The following SLIT3 variants were observed in gnomAD, a reference collection of about 807,000 sequenced individuals.
The protein encoded by SLIT3 is slit guidance ligand 3, also known as slit homolog 3 protein.
In SLIT3, 68 loss-of-function variants were observed where a neutral mutation model predicts 184.0. The ratio of observed to expected loss-of-function variants is 0.37; its 90% CI spans 0.30 to 0.45. The LOEUF is 0.45. Among genes scored for constraint, SLIT3 ranks in the 20% least tolerant of loss-of-function variants. The pLI, the probability that SLIT3 is intolerant of heterozygous loss-of-function variation, is 1.00. For synonymous variants in SLIT3, 831 were observed against 828.6 expected, an observed-to-expected ratio of 1.00 and a Z score of -0.05; for missense variants, 1,707 against 2,026.0, an observed-to-expected ratio of 0.84 and a Z score of 3.02.
intron 4 of SLIT3, among the ~76,000 whole-genome samples, chr5:169,042,818 A>G (rs1328340137): frequency 6.6e-6 from 1 of 152,198 alleles, no homozygotes; most frequent in Non-Finnish European, 1.5e-5. Flanking sequence ...GTTCCATTTT[A>G]AGAAATCCTG....
chr5:168,970,763 G>T (rs550542501), intron 4 of SLIT3, among the ~76,000 whole-genome samples: 1 of 152,068 alleles, frequency 6.6e-6, no homozygotes, highest in Non-Finnish European at 1.5e-5. Context: ...TTACTATAAA[G>T]AGCCCAGATC....
At chr5:168,834,968 T>C (rs1478931503) in intron 6 of SLIT3, among the ~76,000 whole-genome samples, 1 of 152,122 alleles carries the variant, frequency 6.6e-6, no homozygotes, top group Non-Finnish European at 1.5e-5. Flanking sequence ...ACGTGGCAAT[T>C]CACACTGGAA....
intron 4 of SLIT3, among the ~76,000 whole-genome samples, chr5:169,066,670 G>C (rs1209826127): frequency 6.6e-6 from 1 of 152,072 alleles, no homozygotes; most frequent in Admixed American, 6.5e-5. Context: ...CACTCCCTTT[G>C]ACCGGCATGT....
chr5:169,212,187 G>A (rs562954741), intron 3 of SLIT3, among the ~76,000 whole-genome samples: 1 of 152,282 alleles, frequency 6.6e-6, no homozygotes, highest in African/African-American at 2.4e-5. Flanking sequence ...GATCCTTGAG[G>A]AGTCACCACA....
chr5:169,015,346 G>T (rs971702641), intron 4 of SLIT3, among the ~76,000 whole-genome samples: 2 of 152,194 alleles, frequency 1.3e-5, no homozygotes, highest in African/African-American at 4.8e-5. Context: ...GGAAGCTCCT[G>T]CAGGTGTGTG....
intron 4 of SLIT3, chr5:168,993,079 C>T (rs1246341358): frequency 6.6e-6 from 1 of 152,186 alleles, no homozygotes; most frequent in African/African-American, 2.4e-5. Flanking sequence ...TTTGGGTCGG[C>T]TCTTTTCAGT....
intron 33 of SLIT3, among the ~76,000 whole-genome samples, chr5:168,672,868 A>T (rs1433667622): frequency 2.0e-5 from 3 of 152,148 alleles, no homozygotes; most frequent in Non-Finnish European, 4.4e-5. Flanking sequence ...AGCAGAGGGA[A>T]TATGACCTGA....
chr5:168,889,915 G>T (rs1176310692), intron 4 of SLIT3, among the ~76,000 whole-genome samples: 1 of 152,086 alleles, frequency 6.6e-6, no homozygotes, highest in Non-Finnish European at 1.5e-5. Context: ...AGGTTGAGGC[G>T]GGTGGATCAC....
At chr5:168,747,957 A>C (rs1468238699) in intron 20 of SLIT3, among the ~76,000 whole-genome samples, 1 of 152,134 alleles carries the variant, frequency 6.6e-6, no homozygotes, top group Non-Finnish European at 1.5e-5. Flanking sequence ...ACTGCTGAGG[A>C]GTCTTAGGAA....
In SLIT3 at chr5:168,844,851, G is replaced by T. The variant is rs762457663; in HGVS notation, c.486-196C>A. The T allele has an allele frequency of 5.2e-4, 288 of 553,650 alleles. 1 individual carries two copies. The highest frequency in any genetic ancestry group is 6.8e-4 in the Non-Finnish European group (209 of 309,612). 34.3% of individuals were successfully genotyped at this position (553,650 alleles called of 1,614,324 possible). A position where few individuals can be genotyped will look rare whatever the true frequency, so the allele number is the denominator to read the frequency against. On this transcript the variant is annotated intron_variant, in intron 5 of 35. Transcript: ENST00000519560. ...GACTGTCTGAGAGAACTACACAGAC[G>T]AGCGCACCAAAAGGCTGTCAGGTCT... is the stretch of plus-strand genomic sequence containing the variant.
At chr5:168,738,101 A>AAAGTGTCAT (rs1763495284) in intron 20 of SLIT3, among the ~76,000 whole-genome samples, 1 of 152,216 alleles carries the variant, frequency 6.6e-6, no homozygotes, top group Admixed American at 6.5e-5. Flanking sequence ...AGTGGTTCTC[A>AAAGTGTCAT]AAGTGTCATC....
intron 4 of SLIT3, among the ~76,000 whole-genome samples, chr5:169,010,768 C>T (rs953087528): frequency 6.6e-5 from 10 of 151,894 alleles, no homozygotes; most frequent in African/African-American, 1.9e-4. Context: ...CCAGGCGTGG[C>T]GGCATATGCC....
At chr5:168,903,123 A>T (rs1561997083) in intron 4 of SLIT3, among the ~76,000 whole-genome samples, 1 of 152,204 alleles carries the variant, frequency 6.6e-6, no homozygotes, top group Non-Finnish European at 1.5e-5. Flanking sequence ...GAGCCAATTA[A>T]AAAATAACTG....
At chr5:169,066,646 G>A (rs1758355985) in intron 4 of SLIT3, among the ~76,000 whole-genome samples, 1 of 152,150 alleles carries the variant, frequency 6.6e-6, no homozygotes, top group South Asian at 2.1e-4. Context: ...TATAGCAAAA[G>A]CATTAACATT....
intron 15 of SLIT3, among the ~76,000 whole-genome samples, chr5:168,761,921 A>ATTTTTTT (rs10654069): frequency 4.5e-5 from 5 of 110,472 alleles, no homozygotes; most frequent in African/African-American, 1.4e-4. Flanking sequence ...AAAAAAAAAA[A>ATTTTTTT]TTTTTTTTTT....
At chr5:168,780,194 C>T (rs1357006036) in intron 12 of SLIT3, among the ~76,000 whole-genome samples, 1 of 152,236 alleles carries the variant, frequency 6.6e-6, no homozygotes, top group East Asian at 1.9e-4. Flanking sequence ...TTATGTTGCC[C>T]CTCCCACTTC....
chr5:169,248,054 G>A (rs1765656960), intron 2 of SLIT3, among the ~76,000 whole-genome samples: 1 of 152,068 alleles, frequency 6.6e-6, no homozygotes, highest in Non-Finnish European at 1.5e-5. Flanking sequence ...TCCCTGCCAA[G>A]CCACTTCAGG....
At chr5:168,702,836 G>A (rs1403712110) in intron 26 of SLIT3, among the ~76,000 whole-genome samples, 1 of 152,148 alleles carries the variant, frequency 6.6e-6, no homozygotes. Flanking sequence ...CATGGACCGT[G>A]AAGGGCAGGA....
intron 9 of SLIT3, among the ~76,000 whole-genome samples, chr5:168,804,499 G>A (rs1581100208): frequency 6.6e-6 from 1 of 152,050 alleles, no homozygotes; most frequent in Non-Finnish European, 1.5e-5. Context: ...CGTAGAGGGA[G>A]CGCTCTCTAA....
Sources: gnomAD v4.1 joint callset for allele counts (sites outside exome capture counted in the v4.1 genomes callset) on GRCh38, gnomAD v4.1.1 for gene constraint, MANE v1.5 for transcripts, NCBI Gene and HGNC (gene_info 2026-07-23, HGNC 2026-07-21) for gene names.